BAZ1B: variants seen among roughly 807,000 people sequenced by gnomAD.
BAZ1B encodes tyrosine-protein kinase BAZ1B.
In BAZ1B, 22 loss-of-function variants were observed where a neutral mutation model predicts 153.8. The ratio of observed to expected loss-of-function variants is 0.14; its 90% CI spans 0.10 to 0.20. The LOEUF (loss-of-function observed/expected upper bound fraction) is 0.20. Among genes scored for constraint, BAZ1B ranks in the 10% least tolerant of loss-of-function variants. BAZ1B has a pLI of 1.00. For synonymous variants in BAZ1B, 676 were observed against 633.4 expected (o/e 1.07, Z -1.01); for missense variants, 1,325 against 1,799.3 (o/e 0.74, Z 4.77).
chr7:73,467,299 A>C (rs1472709090), intron 9 of BAZ1B, among the ~76,000 whole-genome samples: 1 of 151,902 alleles, frequency 6.6e-6, no homozygotes, highest in Non-Finnish European at 1.5e-5. Context: ...CATTCTCCCC[A>C]CTTTAACCTG....
chr7:73,469,039 A>G (rs781885800), intron 9 of BAZ1B, among the ~76,000 whole-genome samples: 3 of 151,620 alleles, frequency 2.0e-5, no homozygotes, highest in Non-Finnish European at 4.4e-5. Flanking sequence ...CTGAAGTAGG[A>G]GAAGTGTTTG....
At chr7:73,508,503 A>G (rs1554578132) in intron 2 of BAZ1B, 32 bp from the exon 3 acceptor site, 1 of 1,577,586 alleles carries the variant, frequency 6.3e-7, no homozygotes, top group Admixed American at 1.9e-5. Flanking sequence ...TCAAGAAAAC[A>G]CAGAAACACC....
At chr7:73,491,987 T>C (rs1310890934) in intron 5 of BAZ1B, among the ~76,000 whole-genome samples, 4 of 113,914 alleles carry the variant, frequency 3.5e-5, no homozygotes, top group Admixed American at 1.7e-4. Context: ...AGCAAAACGC[T>C]TTTTTTTTTT....
At chr7:73,502,825 T>C (rs1790189327) in intron 3 of BAZ1B, among the ~76,000 whole-genome samples, 1 of 152,096 alleles carries the variant, frequency 6.6e-6, no homozygotes, top group Non-Finnish European at 1.5e-5. Context: ...CCAGTAAGCC[T>C]ACGCACAGGT....
At chr7:73,510,690 T>C (rs1467795632) in intron 2 of BAZ1B, 46 bp downstream of exon 2, 3 of 1,546,372 alleles carry the variant, frequency 1.9e-6, no homozygotes, top group East Asian at 2.2e-5. Context: ...CCTCCTTTCC[T>C]AACAATGTGA....
chr7:73,508,422 C>T lies in BAZ1B; in HGVS notation c.274G>A (p.Val92Ile). Residue 92 changes from valine (V) to isoleucine (I), a missense_variant, in exon 3 of 20, where the codon GTT becomes ATT. By Grantham distance (29) the Val-to-Ile change is conservative. Coordinates refer to ENST00000339594, the MANE Select transcript of BAZ1B (RefSeq NM_032408.4). Reference sequence around the variant, plus strand: ...TCTAAGGAGGCTGTGTTATGGTGAACCATTTCCAGAACAAGCTTCTCATAC... The same window carrying T: ...TCTAAGGAGGCTGTGTTATGGTGAATCATTTCCAGAACAAGCTTCTCATAC... ...AWYEKLVLEM[V>I]HHNTASLEKL... The T allele has an allele frequency of 6.2e-7, 1 of 1,613,472 alleles. No homozygotes were observed. Among genetic ancestry groups the T allele is most frequent in the Non-Finnish European group, 8.5e-7 (1 of 1,179,672 alleles).
At chr7:73,471,806 T>C (rs1554572036) in intron 7 of BAZ1B, among the ~76,000 whole-genome samples, 1 of 151,940 alleles carries the variant, frequency 6.6e-6, no homozygotes, top group African/African-American at 2.4e-5. Flanking sequence ...AACAGTTTTC[T>C]AGCCCAAGTG....
At position 73,521,938 on chromosome 7, in the gene BAZ1B, G is replaced by A; in HGVS notation, c.-5C>T. ...GCGGCCCAGGAGCGGCGCCATCGCG[G>A]CGGCGGCGGTGGGGACTGGCGGCTG... On this transcript the variant is annotated 5_prime_UTR_variant, in exon 1 of 20. Transcript: ENST00000339594. The A allele has an allele frequency of 6.9e-7, 1 of 1,454,496 alleles. No homozygotes were observed. Among genetic ancestry groups the A allele is most frequent in the Non-Finnish European group, 9.1e-7 (1 of 1,095,492 alleles). The allele number at this position is 1,454,496 out of a possible 1,614,324, so 90.1% of individuals were successfully genotyped here.
At chr7:73,466,031 T>C (rs1788570444) in intron 10 of BAZ1B, among the ~76,000 whole-genome samples, 1 of 152,216 alleles carries the variant, frequency 6.6e-6, no homozygotes, top group Non-Finnish European at 1.5e-5. Context: ...GCTACATTTC[T>C]ACTGCTATAT....
chr7:73,471,716 T>C (rs1236113973), intron 7 of BAZ1B, among the ~76,000 whole-genome samples: 1 of 152,082 alleles, frequency 6.6e-6, no homozygotes, highest in Non-Finnish European at 1.5e-5. Flanking sequence ...ATCTGGAAAA[T>C]GCATCTGTCT....
intron 6 of BAZ1B, among the ~76,000 whole-genome samples, chr7:73,488,454 A>C (rs1192234519): frequency 2.0e-5 from 3 of 152,158 alleles, no homozygotes; most frequent in Admixed American, 2.0e-4. Context: ...CTTCTCGGCC[A>C]GGCATGGTGG....
intron 13 of BAZ1B, among the ~76,000 whole-genome samples, chr7:73,455,867 A>G (rs1788179221): frequency 6.6e-6 from 1 of 152,224 alleles, no homozygotes; most frequent in Non-Finnish European, 1.5e-5. Flanking sequence ...GATGTTTAGA[A>G]TATACTGGTA....
At chr7:73,483,698 G>C (rs920925036) in intron 6 of BAZ1B, among the ~76,000 whole-genome samples, 3 of 151,994 alleles carry the variant, frequency 2.0e-5, no homozygotes, top group Non-Finnish European at 4.4e-5. Context: ...CTGGAGTGCA[G>C]TGGCATGATC....
intron 4 of BAZ1B, 49 bp from the exon 5 acceptor site, chr7:73,492,970 T>TTTCA: frequency 6.5e-7 from 1 of 1,542,596 alleles, no homozygotes; most frequent in Non-Finnish European, 8.7e-7. Context: ...TTTTAATCCT[T>TTTCA]TTCATTCATT....
chr7:73,463,728 G>A (rs1290932983), intron 11 of BAZ1B, among the ~76,000 whole-genome samples: 6 of 151,446 alleles, frequency 4.0e-5, no homozygotes, highest in African/African-American at 1.5e-4. Flanking sequence ...TTGTTTTTGA[G>A]ATGGAATGTC....
chr7:73,481,952 T>C (rs920600145), intron 6 of BAZ1B, among the ~76,000 whole-genome samples: 1 of 152,048 alleles, frequency 6.6e-6, no homozygotes, highest in African/African-American at 2.4e-5. Flanking sequence ...GGCAGGAGAA[T>C]GGCGTGAACC....
Position 73,450,498 on chromosome 7 carries a change from CAT to C in BAZ1B, c.3580+347_3580+348del, listed in dbSNP as rs1787995007. Among the ~76,000 whole-genome samples, 1 of 152,200 alleles carries C rather than the reference CAT, an allele frequency of 6.6e-6. No individual in the cohort carries two copies. The highest frequency in any genetic ancestry group is 1.9e-4 in the East Asian group (1 of 5,198). ...CCCGGACTGCCTCCTGCTGAAAGCA[CAT>C]ATCTTACTTCACAGATGACTAAAGT... On this transcript the variant is annotated intron_variant, in intron 14 of 19. Transcript: ENST00000339594. The surrounding 1 kb of genome is among the most constrained non-coding windows in gnomAD (Gnocchi z 4.1).
chr7:73,457,425 ACCT>A (rs1788246997), intron 13 of BAZ1B, among the ~76,000 whole-genome samples: 1 of 151,712 alleles, frequency 6.6e-6, no homozygotes, highest in South Asian at 2.1e-4. Flanking sequence ...TGATCTGCCC[ACCT>A]CAGCCTCCCA....
chr7:73,508,799 G>C (rs1554578182), intron 2 of BAZ1B, among the ~76,000 whole-genome samples: 2 of 151,420 alleles, frequency 1.3e-5, no homozygotes, highest in African/African-American at 4.9e-5. Flanking sequence ...GGATCACGAG[G>C]TCAGGAGATC....
Sources: allele counts gnomAD v4.1 joint callset (sites outside exome capture counted in the v4.1 genomes callset), GRCh38; gene constraint gnomAD v4.1.1; non-coding constraint Gnocchi (gnomAD v3.1); transcripts MANE v1.5; gene names NCBI Gene and HGNC (gene_info 2026-07-23, HGNC 2026-07-21).